The following ANGPTL5 variants were observed in gnomAD, a reference collection of about 807,000 sequenced individuals.
The protein encoded by ANGPTL5 is angiopoietin-related protein 5.
A neutral mutation model predicts 39.4 loss-of-function variants in ANGPTL5; 34 were observed. That is an observed-to-expected ratio of 0.86 (90% confidence interval 0.66 to 1.15). The LOEUF (loss-of-function observed/expected upper bound fraction) is 1.15. ANGPTL5 is among the 50% of genes most tolerant of loss of function. ANGPTL5 has a pLI of 0.00. For synonymous variants in ANGPTL5, 146 were observed against 152.1 expected, an observed-to-expected ratio of 0.96 and a Z score of 0.29; for missense variants, 467 against 457.5, an observed-to-expected ratio of 1.02 and a Z score of -0.19.
At chr11:101,907,045 C>A (rs1252075114) in intron 3 of ANGPTL5, 58 bp downstream of exon 3, 24 of 1,306,050 alleles carry the variant, frequency 1.8e-5, no homozygotes, top group Non-Finnish European at 2.3e-5. Context: ...TTTTCAGTGT[C>A]TACCCTAAAA....
rs1939875426 is a variant in ANGPTL5, at chr11:101,900,532, A to C, written c.559T>G (p.Tyr187Asp). The stretch of plus-strand genomic sequence containing the variant: ...ATCACAGTCCGTCCACCTCCTCTGT[A>C]ATCCATGTCACACATTACCTAAAAT... ...YPFEVMCDMD[Y>D]RGGGRTVIQK... Residue 187 changes from tyrosine to aspartate, a missense_variant, in exon 7 of 9, where the codon TAC becomes GAC. Transcript: ENST00000334289. 4 of 1,611,184 alleles carry C rather than the reference A, an allele frequency of 2.5e-6. No homozygotes were observed. The highest frequency in any genetic ancestry group is 3.4e-6 in the Non-Finnish European group (4 of 1,177,540).
At chr11:101,913,198 A>G (rs1445976995) in intron 1 of ANGPTL5, among the ~76,000 whole-genome samples, 1 of 152,182 alleles carries the variant, frequency 6.6e-6, no homozygotes, top group East Asian at 1.9e-4. Flanking sequence ...GGTTCTGGCC[A>G]GTTTAAGAGG....
At chr11:101,914,810 T>A (rs1940160657) in intron 1 of ANGPTL5, among the ~76,000 whole-genome samples, 1 of 152,024 alleles carries the variant, frequency 6.6e-6, no homozygotes, top group Non-Finnish European at 1.5e-5. Context: ...AACACTCTCA[T>A]AAAAAGGGAG....
At chr11:101,906,742 G>T (rs1208421911) in intron 3 of ANGPTL5, among the ~76,000 whole-genome samples, 1 of 151,954 alleles carries the variant, frequency 6.6e-6, no homozygotes, top group Non-Finnish European at 1.5e-5. Flanking sequence ...AAAAAATCTT[G>T]ATATTTTTAA....
At chr11:101,904,791 G>A in intron 5 of ANGPTL5, 23 bp downstream of exon 5, 4 of 1,590,966 alleles carry the variant, frequency 2.5e-6, no homozygotes, top group Non-Finnish European at 3.5e-6. Context: ...AACATGAAAA[G>A]GCTGAAATAC....
Position 101,891,551 on chromosome 11 carries a change from G to A in ANGPTL5, c.895C>T (p.Pro299Ser). ...LKKEDNQNAM[P>S]FSTSDVDNDG... ...TTATCAACATCTGATGTGCTAAAAG[G>A]CATTGCATTTTGATTATCTTCTTTT... The change falls in exon 9 of 9, where the codon CCT becomes TCT. Residue 299 changes from proline to serine, a missense_variant. Physicochemically the swap from Pro to Ser is moderately conservative, Grantham distance 74. Transcript: ENST00000334289. 1.2e-6 allele frequency: 2 copies of A among 1,613,954 alleles called. No homozygotes were observed. The highest frequency in any genetic ancestry group is 1.7e-6 in the Non-Finnish European group (2 of 1,179,958).
In ANGPTL5 at chr11:101,894,965, A is replaced by G; in HGVS notation, c.761T>C (p.Leu254Pro). 6.2e-7 allele frequency: 1 copy of G among 1,612,476 alleles called. No individual in the cohort carries two copies. The highest frequency in any genetic ancestry group is 8.5e-7 in the Non-Finnish European group (1 of 1,178,630). Residue 254 changes from leucine to proline, a missense_variant, in exon 8 of 9, where the codon CTT (leucine) becomes CCT (proline). Transcript: ENST00000334289. ...AAAATTATCATATGATGCATAAGCAAGAGTGTCATCTTCAGATTCCAAAGC... is the reference window on the plus strand; with the variant it reads ...AAAATTATCATATGATGCATAAGCAGGAGTGTCATCTTCAGATTCCAAAGC... ...YVALESEDDTLAYASYDNFWL... is the reference protein window; with the variant it reads ...YVALESEDDTPAYASYDNFWL...
rs761749456 is a variant in ANGPTL5, at chr11:101,907,076, ATTATT to A, written c.241+22_241+26del. 6 of 1,476,522 alleles carry A rather than the reference ATTATT, an allele frequency of 4.1e-6. No homozygotes were observed. The African/African-American group carries it at 7.1e-5, about 17-fold the overall frequency. 91.5% of individuals were successfully genotyped at this position (1,476,522 alleles called of 1,614,324 possible). ...TAAAAATAATGAATCATATACTCTTATTATTTTGTTTATTTTTAATACTTACTACA... is the reference window on the plus strand; with the variant it reads ...TAAAAATAATGAATCATATACTCTTATTGTTTATTTTTAATACTTACTACA... On this transcript the variant is annotated intron_variant, in intron 3 of 8. Coordinates refer to ENST00000334289, the MANE Select transcript of ANGPTL5 (RefSeq NM_178127.5).
intron 1 of ANGPTL5, among the ~76,000 whole-genome samples, chr11:101,912,640 A>G (rs546608878): frequency 6.6e-6 from 1 of 152,346 alleles, no homozygotes; most frequent in Admixed American, 6.5e-5. Context: ...CTTGGTTGTT[A>G]CCGTAAAACA....
At chr11:101,910,410 C>CA (rs200542892) in intron 1 of ANGPTL5, among the ~76,000 whole-genome samples, 65 of 120,972 alleles carry the variant, frequency 5.4e-4, no homozygotes, top group African/African-American at 9.5e-4. Context: ...AACTCCGTCT[C>CA]AAAAAAAAAA....
chr11:101,902,843 T>C, intron 5 of ANGPTL5, 122 bp from the exon 6 acceptor site: 1 of 617,580 alleles, frequency 1.6e-6, no homozygotes, highest in East Asian at 3.0e-5. Flanking sequence ...TTTAACTTCT[T>C]CAAAATGAAA....
intron 5 of ANGPTL5, among the ~76,000 whole-genome samples, chr11:101,903,037 G>A (rs930014742): frequency 6.6e-6 from 1 of 152,000 alleles, no homozygotes; most frequent in East Asian, 1.9e-4. Flanking sequence ...AATAAATAAT[G>A]CCATTTCAGA....
In ANGPTL5 at chr11:101,912,444, C is replaced by CA. The variant is rs531059129; in HGVS notation, c.-93+3574dup. Among the ~76,000 whole-genome samples, 11 of 152,192 alleles carry CA rather than the reference C, an allele frequency of 7.2e-5. No individual in the cohort carries two copies. In the East Asian group the frequency reaches 1.7e-3, roughly 24 times the overall value. Reference sequence around the variant, plus strand: ...AATAACACTGACAAAAAAGTCATGACAAAATCAAGCATCATGATGTTCAGA... The same window carrying CA: ...AATAACACTGACAAAAAAGTCATGACAAAAATCAAGCATCATGATGTTCAGA... On this transcript the variant is annotated intron_variant, in intron 1 of 8. Transcript: ENST00000334289.
chr11:101,905,425 A>G (rs532192205), intron 4 of ANGPTL5, among the ~76,000 whole-genome samples: 1 of 152,300 alleles, frequency 6.6e-6, no homozygotes, highest in East Asian at 1.9e-4. Context: ...TGATTTTTAA[A>G]ACATTTATTC....
intron 8 of ANGPTL5, among the ~76,000 whole-genome samples, chr11:101,892,495 T>C (rs150767023): frequency 0.014 from 2,180 of 152,224 alleles, 55 homozygotes; most frequent in African/African-American, 0.05. Context: ...CCTCCCAAAG[T>C]GCTAGGATTA....
chr11:101,905,708 A>C, intron 4 of ANGPTL5, 36 bp downstream of exon 4: 1 of 1,367,930 alleles, frequency 7.3e-7, no homozygotes. Flanking sequence ...ATCAACGTGT[A>C]CATGCAATAA....
intron 1 of ANGPTL5, chr11:101,915,426 C>T (rs759863209): frequency 2.9e-5 from 47 of 1,597,904 alleles, no homozygotes; most frequent in Middle Eastern, 1.7e-4. Context: ...TCCTTCCCAG[C>T]CTGTGGCTGC....
intron 6 of ANGPTL5, 58 bp from the exon 7 acceptor site, chr11:101,900,608 T>TA: frequency 6.4e-7 from 1 of 1,560,130 alleles, no homozygotes; most frequent in East Asian, 2.3e-5. Context: ...TATTTGATAA[T>TA]ATAACACTCA....
intron 1 of ANGPTL5, among the ~76,000 whole-genome samples, chr11:101,912,584 C>T (rs1940108006): frequency 6.6e-6 from 1 of 152,048 alleles, no homozygotes; most frequent in African/African-American, 2.4e-5. Flanking sequence ...GTCGAAAAAA[C>T]CTATGATTAA....
Sources: gnomAD v4.1 joint callset for allele counts (sites outside exome capture counted in the v4.1 genomes callset) on GRCh38, gnomAD v4.1.1 for gene constraint, MANE v1.5 for transcripts, NCBI Gene and HGNC (gene_info 2026-07-23, HGNC 2026-07-21) for gene names.